CEP20: variants seen among roughly 807,000 people sequenced by gnomAD.
CEP20 encodes FGFR1OP N-terminal like.
A neutral mutation model predicts 20.0 loss-of-function variants in CEP20; 18 were observed. The observed-to-expected ratio is 0.90, with a 90% CI of 0.62 to 1.34. The LOEUF is 1.34. CEP20 is among the 40% of genes most tolerant of loss of function. The probability of loss-of-function intolerance (pLI) is 0.00; values close to 1 mark genes in which losing one functional copy is unlikely to be tolerated. For missense variants in CEP20, 215 were observed against 201.6 expected (o/e 1.07, Z -0.40); for synonymous variants, 77 against 73.7 (o/e 1.04, Z -0.23).
rs751318307 is a variant in CEP20, at chr16:15,884,211, C to T, written c.29-6G>A. The T allele has an allele frequency of 3.2e-5, 51 of 1,591,020 alleles. No individual in the cohort carries two copies. Among genetic ancestry groups the T allele is most frequent in the Middle Eastern group, 1.7e-4 (1 of 5,980 alleles). The stretch of plus-strand genomic sequence containing the variant: ...TTCCAAGGTGTCCTTTAAAACTGTT[C>T]GATATAAAATATTAAGGCTTCAGTT... On this transcript the variant is annotated splice_region_variant and splice_polypyrimidine_tract_variant and intron_variant, in intron 1 of 4. Coordinates refer to ENST00000255759, the MANE Select transcript of CEP20 (RefSeq NM_144600.4).
Position 15,873,647 on chromosome 16 carries a change from A to T in CEP20, c.312-20T>A, listed in dbSNP as rs950541001. 2 of 1,593,378 alleles carry T rather than the reference A, an allele frequency of 1.3e-6. No individual in the cohort carries two copies. The stretch of plus-strand genomic sequence containing the variant: ...AGAGGTCTATAGCAGGAAGAAAACA[A>T]AACAAAACCAAAAGCTAATAAATCT... On this transcript the variant is annotated intron_variant, in intron 3 of 4. Coordinates refer to ENST00000255759, the MANE Select transcript of CEP20 (RefSeq NM_144600.4).
At position 15,866,548 on chromosome 16, in the gene CEP20, T is replaced by C. The variant is rs1005087341; in HGVS notation, c.*892A>G. ...ACATACTATTTTTCTATCCCAAGAA[T>C]AAAAATTGATGTTTGGTAAGAGTTT... On this transcript the variant is annotated 3_prime_UTR_variant, in exon 5 of 5. Coordinates refer to ENST00000255759, the MANE Select transcript of CEP20 (RefSeq NM_144600.4). The C allele has an allele frequency of 6.6e-6, 1 of 152,192 alleles. No homozygotes were observed. The highest frequency in any genetic ancestry group is 2.4e-5 in the African/African-American group (1 of 41,446). The allele number at this position is 152,192 out of a possible 1,614,324, so 9.4% of individuals were successfully genotyped here.
chr16:15,876,898 G>A (rs569821247), intron 3 of CEP20, among the ~76,000 whole-genome samples: 12 of 149,828 alleles, frequency 8.0e-5, no homozygotes, highest in Admixed American at 6.7e-5. Context: ...TGTCGCCCAG[G>A]CTGAGTGCAG....
At chr16:15,870,983 CCAGA>C (rs1168825119) in intron 4 of CEP20, among the ~76,000 whole-genome samples, 1 of 152,166 alleles carries the variant, frequency 6.6e-6, no homozygotes, top group African/African-American at 2.4e-5. Context: ...CTGGGCATGG[CCAGA>C]TGCAGTGGCT....
chr16:15,876,628 G>A (rs932330948), intron 3 of CEP20, among the ~76,000 whole-genome samples: 7 of 152,064 alleles, frequency 4.6e-5, no homozygotes, highest in Non-Finnish European at 7.4e-5. Flanking sequence ...TTTAAAACCC[G>A]ACAGCATTTG....
chr16:15,884,485 A>G (rs2151432280), intron 1 of CEP20, among the ~76,000 whole-genome samples: 2 of 151,102 alleles, frequency 1.3e-5, no homozygotes, highest in East Asian at 3.9e-4. Flanking sequence ...GTAGTCTAAT[A>G]CATATTCTTT....
intron 3 of CEP20, among the ~76,000 whole-genome samples, chr16:15,874,433 C>G (rs2044894779): frequency 6.6e-6 from 1 of 152,098 alleles, no homozygotes; most frequent in Non-Finnish European, 1.5e-5. Context: ...GCTAGAGATT[C>G]CCCCAGATAG....
At chr16:15,887,796 T>C (rs2045279553) in intron 1 of CEP20, among the ~76,000 whole-genome samples, 1 of 152,120 alleles carries the variant, frequency 6.6e-6, no homozygotes, top group South Asian at 2.1e-4. Context: ...TTTTTGCCTC[T>C]AGTTTCTTCT....
intron 3 of CEP20, among the ~76,000 whole-genome samples, chr16:15,879,048 A>G (rs544260686): frequency 1.3e-5 from 2 of 150,284 alleles, no homozygotes; most frequent in South Asian, 4.2e-4. Flanking sequence ...GGGACTCTCC[A>G]GAAAAAGTTT....
intron 1 of CEP20, 30 bp downstream of exon 1, chr16:15,888,528 C>A: frequency 1.2e-6 from 2 of 1,614,128 alleles, no homozygotes; most frequent in East Asian, 4.5e-5. Context: ...CCGACGCTTC[C>A]CATGTGGAGG....
At chr16:15,870,014 C>T (rs1319779666) in intron 4 of CEP20, among the ~76,000 whole-genome samples, 1 of 152,212 alleles carries the variant, frequency 6.6e-6, no homozygotes, top group Non-Finnish European at 1.5e-5. Flanking sequence ...GAACTCGATT[C>T]TGATGTTCCT....
chr16:15,876,945 C>T (rs376217227), intron 3 of CEP20, among the ~76,000 whole-genome samples: 10 of 151,876 alleles, frequency 6.6e-5, no homozygotes, highest in Admixed American at 1.3e-4. Context: ...TCCACCTCCC[C>T]GTTTGACGCC....
chr16:15,867,353 G>T lies in CEP20; in HGVS notation c.*87C>A. On this transcript the variant is annotated 3_prime_UTR_variant, in exon 5 of 5. Transcript: ENST00000255759. ...GAAACTCCAATTTCTACAAACATTA[G>T]TGGTGCATTTTGGTAACATTGGGAC... 1 of 949,978 alleles carries T rather than the reference G, an allele frequency of 1.1e-6. No homozygotes were observed. Among genetic ancestry groups the T allele is most frequent in the Non-Finnish European group, 1.5e-6 (1 of 669,622 alleles). 58.8% of individuals were successfully genotyped at this position (949,978 alleles called of 1,614,324 possible). A position where few individuals can be genotyped will look rare whatever the true frequency, so the allele number is the denominator to read the frequency against.
At chr16:15,868,098 T>C (rs2044730062) in intron 4 of CEP20, among the ~76,000 whole-genome samples, 1 of 151,694 alleles carries the variant, frequency 6.6e-6, no homozygotes, top group Non-Finnish European at 1.5e-5. Flanking sequence ...CATGCATAAG[T>C]AGTTACAAAC....
chr16:15,869,960 A>G (rs2044773874), intron 4 of CEP20, among the ~76,000 whole-genome samples: 1 of 152,210 alleles, frequency 6.6e-6, no homozygotes, highest in Admixed American at 6.5e-5. Flanking sequence ...AGCTGTCTGC[A>G]GAGCTTTCCA....
intron 2 of CEP20, among the ~76,000 whole-genome samples, chr16:15,882,555 C>CA (rs935318216): frequency 1.3e-4 from 20 of 150,522 alleles, no homozygotes; most frequent in African/African-American, 5.0e-4. Flanking sequence ...AACAAACATA[C>CA]AAAAAAACCT....
At chr16:15,873,758 A>G in intron 3 of CEP20, 131 bp from the exon 4 acceptor site, 1 of 1,073,134 alleles carries the variant, frequency 9.3e-7, no homozygotes, top group Non-Finnish European at 1.3e-6. Flanking sequence ...TAGACTTTAA[A>G]AAGCGGCATG....
chr16:15,871,470 T>C (rs1454372719), intron 4 of CEP20, among the ~76,000 whole-genome samples: 1 of 152,132 alleles, frequency 6.6e-6, no homozygotes, highest in African/African-American at 2.4e-5. Flanking sequence ...CTTGCACTAT[T>C]AATGTTTTAT....
rs751917716 is a variant in CEP20 at position 15,865,911 on chromosome 16, A to C, written c.*1529T>G. 1 of 152,228 alleles carries C rather than the reference A, an allele frequency of 6.6e-6. No homozygotes were observed. The highest frequency in any genetic ancestry group is 1.5e-5 in the Non-Finnish European group (1 of 68,042). The allele number at this position is 152,228 out of a possible 1,614,324, so 9.4% of individuals were successfully genotyped here. A position where few individuals can be genotyped will look rare whatever the true frequency, so the allele number is the denominator to read the frequency against. On this transcript the variant is annotated 3_prime_UTR_variant, in exon 5 of 5. Coordinates refer to ENST00000255759, the MANE Select transcript of CEP20 (RefSeq NM_144600.4). Reference sequence around the variant, plus strand: ...CAGCATTTTTTCCGAATATAGTCTTACATGATTGCAATTCCTGAGGTAAAC... The same window carrying C: ...CAGCATTTTTTCCGAATATAGTCTTCCATGATTGCAATTCCTGAGGTAAAC...
Sources: gnomAD v4.1 joint callset for allele counts (sites outside exome capture counted in the v4.1 genomes callset) on GRCh38, gnomAD v4.1.1 for gene constraint, MANE v1.5 for transcripts, NCBI Gene and HGNC (gene_info 2026-07-23, HGNC 2026-07-21) for gene names.